Variants in SLC22A9 observed in about 807,000 individuals in gnomAD.
SLC22A9 encodes the protein solute carrier family 22 member 9.
Under a neutral mutation model 50.1 loss-of-function variants are expected in SLC22A9, and 64 were observed. That is an observed-to-expected ratio of 1.28 (90% CI 1.04 to 1.57). The LOEUF is 1.57. Ranked by LOEUF, SLC22A9 falls within the 40% of genes most tolerant of loss-of-function variation. SLC22A9 has a pLI of 0.00. For missense variants in SLC22A9, 757 were observed against 676.1 expected (o/e 1.12, Z -1.33); for synonymous variants, 261 against 242.5 (o/e 1.08, Z -0.71).
Position 63,373,693 on chromosome 11 carries a change from G to A in SLC22A9, c.556G>A (p.Val186Ile). ...LRWCYLQVAI[V>I]GTCAALAPTF... ...ATGGTGTTACCTCCAGGTTGCCATTGTTGGCACCTGTGCAGCCTTGGCTCC... is the reference window on the plus strand; with the variant it reads ...ATGGTGTTACCTCCAGGTTGCCATTATTGGCACCTGTGCAGCCTTGGCTCC... The change falls in exon 3 of 10, where the codon GTT becomes ATT. Residue 186 changes from valine to isoleucine, a missense_variant. By Grantham distance (29) the Val-to-Ile change is conservative. Transcript: ENST00000279178. 1.2e-6 allele frequency: 2 copies of A among 1,608,422 alleles called. No individual in the cohort carries two copies. Among genetic ancestry groups the A allele is most frequent in the Non-Finnish European group, 1.7e-6 (2 of 1,177,968 alleles).
At chr11:63,401,948 G>GGTTT (rs796139180) in intron 6 of SLC22A9, among the ~76,000 whole-genome samples, 6 of 151,878 alleles carry the variant, frequency 4.0e-5, no homozygotes, top group East Asian at 1.9e-4. Flanking sequence ...ATTTTTAATG[G>GGTTT]GTTTGTTTGT....
intron 2 of SLC22A9, 42 bp downstream of exon 2, chr11:63,371,280 T>TA: frequency 1.4e-6 from 2 of 1,412,722 alleles, no homozygotes; most frequent in African/African-American, 2.8e-5. Flanking sequence ...GGGCATTTTT[T>TA]ATCAACTTAT....
In SLC22A9 at chr11:63,373,757, G is replaced by A. The variant is rs1411175363; in HGVS notation, c.620G>A (p.Gly207Glu). ...LIYCSLRFLS[G>E]IAAMSLITNT... ...TACTGCTCACTACGCTTCTTGTCTGGGATTGCTGCAATGAGCCTCATAACA... is the reference window on the plus strand; with the variant it reads ...TACTGCTCACTACGCTTCTTGTCTGAGATTGCTGCAATGAGCCTCATAACA... The change falls in exon 3 of 10, where the codon GGG (glycine) becomes GAG (glutamate). Residue 207 changes from glycine to glutamate, a missense_variant. Gly to Glu is a moderately conservative substitution (Grantham distance 98, BLOSUM62 -2). Coordinates refer to ENST00000279178, the MANE Select transcript of SLC22A9 (RefSeq NM_080866.3). 3.1e-6 allele frequency: 5 copies of A among 1,613,108 alleles called. No individual in the cohort carries two copies. In the South Asian group the frequency reaches 5.5e-5, roughly 18 times the overall value.
In SLC22A9 at chr11:63,373,766, C is replaced by A; in HGVS notation, c.629C>A (p.Ala210Glu). The change falls in exon 3 of 10, where the codon GCA becomes GAA. Residue 210 changes from alanine to glutamate, a missense_variant. Transcript: ENST00000279178. ...CTACGCTTCTTGTCTGGGATTGCTG[C>A]AATGAGCCTCATAACAAATACTATT... The part of the protein sequence containing the change: ...CSLRFLSGIA[A>E]MSLITNTIML... 6.2e-7 allele frequency: 1 copy of A among 1,612,634 alleles called. No individual in the cohort carries two copies. Among genetic ancestry groups the A allele is most frequent in the Non-Finnish European group, 8.5e-7 (1 of 1,179,272 alleles).
intron 9 of SLC22A9, among the ~76,000 whole-genome samples, chr11:63,409,210 T>A (rs1316363285): frequency 6.6e-6 from 1 of 152,172 alleles, no homozygotes; most frequent in East Asian, 1.9e-4. Flanking sequence ...TATGCAGAGA[T>A]CCAAACACCA....
At chr11:63,376,467 A>C (rs2014462841) in intron 5 of SLC22A9, among the ~76,000 whole-genome samples, 2 of 152,032 alleles carry the variant, frequency 1.3e-5, no homozygotes, top group Admixed American at 1.3e-4. Flanking sequence ...TAAAGTATTA[A>C]TCTTAAAATG....
At position 63,370,473 on chromosome 11, in the gene SLC22A9, T is replaced by A; in HGVS notation, c.402+15T>A. ...TCGTGACTGAGGTAAGAGGCTCTGT[T>A]CTCGTCTCATGAGTATGTGACCTGG... On this transcript the variant is annotated intron_variant, in intron 1 of 9. Coordinates refer to ENST00000279178, the MANE Select transcript of SLC22A9 (RefSeq NM_080866.3). The A allele has an allele frequency of 6.4e-7, 1 of 1,554,030 alleles. No homozygotes were observed. The highest frequency in any genetic ancestry group is 2.2e-5 in the East Asian group (1 of 44,516).
At chr11:63,390,786 A>G (rs1591021684) in intron 6 of SLC22A9, among the ~76,000 whole-genome samples, 1 of 152,192 alleles carries the variant, frequency 6.6e-6, no homozygotes, top group East Asian at 1.9e-4. Flanking sequence ...TTTGGGCAGT[A>G]TGGCTATTTT....
At chr11:63,378,728 G>A (rs564738931) in intron 5 of SLC22A9, among the ~76,000 whole-genome samples, 6 of 152,130 alleles carry the variant, frequency 3.9e-5, no homozygotes, top group Admixed American at 1.3e-4. Context: ...CGCTGACATC[G>A]TTAAAGCTGA....
intron 6 of SLC22A9, among the ~76,000 whole-genome samples, chr11:63,392,274 T>C (rs1426657103): frequency 2.0e-5 from 3 of 152,112 alleles, no homozygotes; most frequent in Admixed American, 2.0e-4. Context: ...GTTATACTAT[T>C]CTGTGTTTTT....
At chr11:63,378,346 A>G (rs185108583) in intron 5 of SLC22A9, among the ~76,000 whole-genome samples, 6 of 152,242 alleles carry the variant, frequency 3.9e-5, no homozygotes, top group African/African-American at 1.4e-4. Context: ...ACAAACCCTC[A>G]ACAAACTAGG....
chr11:63,406,602 C>T lies in SLC22A9; in HGVS notation c.1179C>T (p.Ala393=). Residue 393 remains alanine (A), a synonymous_variant, in exon 7 of 10, where the codon GCC becomes GCT. Transcript: ENST00000279178. ...TCTTTGGTGCAGTCATCCTCCTGGC[C>T]AACTGTGTTGCACCTTGGGCACTGA... ...QTLFGAVILL[A]NCVAPWALKY... is the part of the protein sequence containing the mutation. 6.2e-7 allele frequency: 1 copy of T among 1,613,836 alleles called. No homozygotes were observed. Among genetic ancestry groups the T allele is most frequent in the Non-Finnish European group, 8.5e-7 (1 of 1,179,846 alleles).
At chr11:63,380,197 G>T (rs1017920484) in intron 5 of SLC22A9, among the ~76,000 whole-genome samples, 1 of 152,160 alleles carries the variant, frequency 6.6e-6, no homozygotes, top group African/African-American at 2.4e-5. Flanking sequence ...ACAGATGCTG[G>T]TGAGACTGCA....
intron 6 of SLC22A9, among the ~76,000 whole-genome samples, chr11:63,385,433 T>C (rs769852792): frequency 2.6e-5 from 4 of 152,156 alleles, no homozygotes; most frequent in Non-Finnish European, 5.9e-5. Context: ...GAAGATGGAA[T>C]GTTTTTCCAT....
At chr11:63,391,967 T>C (rs1470287594) in intron 6 of SLC22A9, among the ~76,000 whole-genome samples, 1 of 152,092 alleles carries the variant, frequency 6.6e-6, no homozygotes, top group Non-Finnish European at 1.5e-5. Context: ...TTTCATTCTT[T>C]GTGTACCTGT....
At chr11:63,392,624 C>A (rs898768345) in intron 6 of SLC22A9, among the ~76,000 whole-genome samples, 1 of 151,908 alleles carries the variant, frequency 6.6e-6, no homozygotes, top group African/African-American at 2.4e-5. Flanking sequence ...GTTACTTGTT[C>A]CTTTTCTCTT....
intron 6 of SLC22A9, among the ~76,000 whole-genome samples, chr11:63,389,318 G>T (rs1216029379): frequency 6.6e-6 from 1 of 151,534 alleles, no homozygotes; most frequent in Non-Finnish European, 1.5e-5. Context: ...TTGTCTTAAT[G>T]CTATCCCTCC....
intron 5 of SLC22A9, among the ~76,000 whole-genome samples, chr11:63,378,721 T>C (rs184522701): frequency 1.0e-3 from 152 of 152,222 alleles, no homozygotes; most frequent in African/African-American, 3.5e-3. Flanking sequence ...TTCTATACGC[T>C]GACATCGTTA....
At chr11:63,381,789 C>T (rs180999804) in intron 5 of SLC22A9, among the ~76,000 whole-genome samples, 56 of 152,272 alleles carry the variant, frequency 3.7e-4, no homozygotes, top group African/African-American at 1.2e-3. Flanking sequence ...ATGTCCACGT[C>T]CTTTGGGGAC....
Sources: allele counts gnomAD v4.1 joint callset (sites outside exome capture counted in the v4.1 genomes callset), GRCh38; gene constraint gnomAD v4.1.1; transcripts MANE v1.5; gene names NCBI Gene and HGNC (gene_info 2026-07-23, HGNC 2026-07-21).